Variants in TBC1D8 observed in about 807,000 individuals in gnomAD.
TBC1D8 encodes the protein BUB2-like protein 1.
Under a neutral mutation model 118.8 loss-of-function variants are expected in TBC1D8, and 65 were observed. The observed-to-expected ratio is 0.55, with a 90% CI of 0.45 to 0.67. The LOEUF is 0.67. TBC1D8 is among the 30% of genes least tolerant of loss of function. The probability of loss-of-function intolerance (pLI) is 0.00; values close to 1 mark genes in which losing one functional copy is unlikely to be tolerated. For missense variants in TBC1D8, 1,376 were observed against 1,471.2 expected (o/e 0.94, Z 1.06); for synonymous variants, 566 against 595.8 (o/e 0.95, Z 0.73).
At chr2:101,109,826 T>A (rs760514997) in intron 1 of TBC1D8, 266 of 985,312 alleles carry the variant, frequency 2.7e-4, no homozygotes, top group Non-Finnish European at 3.2e-4. Flanking sequence ...TACTACATCA[T>A]TTACAAACCT....
intron 1 of TBC1D8, among the ~76,000 whole-genome samples, chr2:101,115,886 G>A (rs1007953377): frequency 6.6e-6 from 1 of 152,102 alleles, no homozygotes; most frequent in Non-Finnish European, 1.5e-5. Flanking sequence ...GATCTGTTAC[G>A]CACACGCCAG....
Position 101,040,521 on chromosome 2 carries a change from G to A in TBC1D8, c.873-136C>T, listed in dbSNP as rs1681318458. Reference sequence around the variant, plus strand: ...GTCTCGCTCTGTCGCCCAGGATGGAGTGCAGTGGTGCGAGCTCAGCTCACT... The same window carrying A: ...GTCTCGCTCTGTCGCCCAGGATGGAATGCAGTGGTGCGAGCTCAGCTCACT... On this transcript the variant is annotated intron_variant, in intron 5 of 19. Coordinates refer to ENST00000409318, the MANE Select transcript of TBC1D8 (RefSeq NM_001330348.2). 3.5e-6 allele frequency: 3 copies of A among 852,132 alleles called. No homozygotes were observed. The African/African-American group carries it at 5.1e-5, about 14-fold the overall frequency. 52.8% of individuals were successfully genotyped at this position (852,132 alleles called of 1,614,324 possible). A position where few individuals can be genotyped will look rare whatever the true frequency, so the allele number is the denominator to read the frequency against.
chr2:101,045,639 C>T lies in TBC1D8; in HGVS notation c.872+4762G>A, dbSNP rs113894843. Among the ~76,000 whole-genome samples the T allele has an allele frequency of 1.5e-3, 221 of 152,310 alleles. 1 individual carries two copies. The highest frequency in any genetic ancestry group is 4.8e-3 in the African/African-American group (198 of 41,574). On this transcript the variant is annotated intron_variant, in intron 5 of 19. Coordinates refer to ENST00000409318, the MANE Select transcript of TBC1D8 (RefSeq NM_001330348.2). ...AAGGGAGGGCAAACTCAGTCCTCTG[C>T]GGTGAGTTTGCCTCATAAAGGAGCA... is the stretch of plus-strand genomic sequence containing the variant.
chr2:101,056,722 G>A (rs550573823), intron 3 of TBC1D8, among the ~76,000 whole-genome samples: 188 of 152,236 alleles, frequency 1.2e-3, no homozygotes, highest in Non-Finnish European at 2.2e-3. Flanking sequence ...CTTTATGAAG[G>A]CTCCGGAGCA....
chr2:101,098,219 C>T (rs906920283), intron 1 of TBC1D8, among the ~76,000 whole-genome samples: 1 of 151,986 alleles, frequency 6.6e-6, no homozygotes, highest in Non-Finnish European at 1.5e-5. Context: ...ATGGTGAAAC[C>T]CCATTTCTAT....
At chr2:101,022,624 T>A (rs1432685046) in intron 15 of TBC1D8, 103 bp from the exon 16 acceptor site, 2 of 1,447,122 alleles carry the variant, frequency 1.4e-6, no homozygotes, top group Non-Finnish European at 1.8e-6. Flanking sequence ...CTCACCACTC[T>A]AACTGGATAC....
chr2:101,027,050 G>A (rs913597020), intron 15 of TBC1D8, among the ~76,000 whole-genome samples: 1 of 152,200 alleles, frequency 6.6e-6, no homozygotes, highest in African/African-American at 2.4e-5. Context: ...GCAGGACCCA[G>A]AGCCCGCACT....
Position 101,032,334 on chromosome 2 carries a change from C to T in TBC1D8, c.1870G>A (p.Ala624Thr), listed in dbSNP as rs781203753. ...VLLLYTKEEE[A>T]FWLLVAVCER... ...CACACAGCAACCAACAGCCAGAAGG[C>T]TTCCTCCTCCTTGGTGTACAGCAGC... Residue 624 changes from alanine to threonine, a missense_variant, in exon 11 of 20, where the codon GCC (alanine) becomes ACC (threonine). Physicochemically the swap from Ala to Thr is moderately conservative, Grantham distance 58 (BLOSUM62 0). Transcript: ENST00000409318. 1.9e-6 allele frequency: 3 copies of T among 1,613,852 alleles called. No individual in the cohort carries two copies. The African/African-American group carries it at 4.0e-5, about 22-fold the overall frequency.
intron 15 of TBC1D8, among the ~76,000 whole-genome samples, chr2:101,025,670 G>A (rs1468510016): frequency 2.6e-5 from 4 of 152,118 alleles, no homozygotes; most frequent in East Asian, 1.9e-4. Context: ...GAACATGAAA[G>A]GAAGCAAAAT....
At position 101,078,635 on chromosome 2, in the gene TBC1D8, C is replaced by T. The variant is rs560204286; in HGVS notation, c.283+11574G>A. On this transcript the variant is annotated intron_variant, in intron 2 of 19. Transcript: ENST00000409318. Reference sequence around the variant, plus strand: ...AAGAAGGGCAAAACTTCAGTCCTCACGCATGTACACAATGAGGTTTCTGCA... The same window carrying T: ...AAGAAGGGCAAAACTTCAGTCCTCATGCATGTACACAATGAGGTTTCTGCA... 8.6e-5 allele frequency among the ~76,000 whole-genome samples: 13 copies of T among 150,880 alleles called. No individual in the cohort carries two copies. In the East Asian group the frequency reaches 2.0e-3, roughly 23 times the overall value.
At chr2:101,144,548 C>A (rs949403418) in intron 1 of TBC1D8, among the ~76,000 whole-genome samples, 3 of 152,182 alleles carry the variant, frequency 2.0e-5, no homozygotes, top group Non-Finnish European at 2.9e-5. Context: ...TTAAAATAGG[C>A]TCACGGCTGC....
chr2:101,070,595 T>C (rs777957082), intron 2 of TBC1D8, among the ~76,000 whole-genome samples: 8 of 152,098 alleles, frequency 5.3e-5, no homozygotes, highest in Middle Eastern at 3.4e-3. Flanking sequence ...GTATTTTTAG[T>C]ACAGACGGGG....
intron 1 of TBC1D8, among the ~76,000 whole-genome samples, chr2:101,132,368 T>A (rs774836463): frequency 2.0e-5 from 3 of 152,170 alleles, no homozygotes; most frequent in Non-Finnish European, 4.4e-5. Context: ...TATATCTGTA[T>A]CTACCCTTCA....
chr2:101,033,838 G>A, intron 9 of TBC1D8, 80 bp from the exon 10 acceptor site: 6 of 1,495,124 alleles, frequency 4.0e-6, no homozygotes, highest in East Asian at 2.4e-5. Flanking sequence ...GTCCCATCAG[G>A]GGACCCCAGT....
At chr2:101,109,865 T>G in intron 1 of TBC1D8, 3 of 985,462 alleles carry the variant, frequency 3.0e-6, no homozygotes, top group Non-Finnish European at 3.6e-6. Context: ...AGACTGACTT[T>G]CCCTCCACAA....
chr2:101,015,181 T>C (rs905641751), intron 17 of TBC1D8, among the ~76,000 whole-genome samples: 1 of 152,112 alleles, frequency 6.6e-6, no homozygotes, highest in Non-Finnish European at 1.5e-5. Context: ...TGGAACACAA[T>C]GGTAGCTGTG....
chr2:101,081,135 T>C (rs1164477416), intron 2 of TBC1D8, among the ~76,000 whole-genome samples: 2 of 152,240 alleles, frequency 1.3e-5, no homozygotes, highest in Non-Finnish European at 2.9e-5. Context: ...ACAAACTTCT[T>C]TAACGATCTT....
rs547556499 is a variant in TBC1D8 at position 101,033,096 on chromosome 2, C to T, written c.1818+448G>A. ...GCCACCAACAACCACTACACATGCA[C>T]GTTTCTCTTTTCAGGCACTCGGTAA... On this transcript the variant is annotated intron_variant, in intron 10 of 19. Coordinates refer to ENST00000409318, the MANE Select transcript of TBC1D8 (RefSeq NM_001330348.2). 1.8e-4 allele frequency among the ~76,000 whole-genome samples: 27 copies of T among 151,570 alleles called. No individual in the cohort carries two copies. The South Asian group carries it at 3.3e-3, about 19-fold the overall frequency.
chr2:101,037,645 T>C lies in TBC1D8; in HGVS notation c.1339A>G (p.Met447Val), dbSNP rs1300840612. ...CTCTCCTCGCTATTTTGAGAAGACA[T>C]CATTTCAAGATCCCCAAATCTGTGG... is the stretch of plus-strand genomic sequence containing the variant. ...SDHRFGDLEM[M>V]SSQNSEESEK... The change falls in exon 8 of 20, where the codon ATG becomes GTG. Residue 447 changes from methionine (M) to valine (V), a missense_variant. Coordinates refer to ENST00000409318, the MANE Select transcript of TBC1D8 (RefSeq NM_001330348.2). 6.2e-7 allele frequency: 1 copy of C among 1,613,904 alleles called. No individual in the cohort carries two copies. The highest frequency in any genetic ancestry group is 1.6e-4 in the Middle Eastern group (1 of 6,062).
Sources: allele counts gnomAD v4.1 joint callset (sites outside exome capture counted in the v4.1 genomes callset), GRCh38; gene constraint gnomAD v4.1.1; transcripts MANE v1.5; gene names NCBI Gene and HGNC (gene_info 2026-07-23, HGNC 2026-07-21).